The following TEAD2 variants were observed in gnomAD, a reference collection of about 807,000 sequenced individuals.
TEAD2 encodes the protein TEA domain transcription factor 2.
Under a neutral mutation model 61.4 loss-of-function variants are expected in TEAD2, and 51 were observed. That is an observed-to-expected ratio of 0.83 (90% CI 0.66 to 1.05). The LOEUF is 1.05. Among genes scored for constraint, TEAD2 ranks in the 50% least tolerant of loss-of-function variants. The pLI, the probability that TEAD2 is intolerant of heterozygous loss-of-function variation, is 0.00. For missense variants in TEAD2, 509 were observed against 600.0 expected (o/e 0.85, Z 1.58); for synonymous variants, 244 against 243.2 (o/e 1.00, Z -0.03).
chr19:49,359,960 G>T lies in TEAD2; in HGVS notation c.116C>A (p.Pro39Gln). ...GSEGAGGDGG[P>Q]DAEGVWSPDI... ...TGGGCTCCACACCCCCTCTGCATCC[G>T]GGCCCCCGTCACCCCCAGCCCCCTC... is the stretch of plus-strand genomic sequence containing the variant. Residue 39 changes from proline to glutamine, a missense_variant, in exon 2 of 13, where the codon CCG becomes CAG. By Grantham distance (76) the Pro-to-Gln change is moderately conservative. Transcript: ENST00000593945. The surrounding 1 kb of genome is among the most constrained non-coding windows in gnomAD (Gnocchi z 4.1). The T allele has an allele frequency of 1.2e-6, 2 of 1,610,788 alleles. No homozygotes were observed. Among genetic ancestry groups the T allele is most frequent in the Non-Finnish European group, 1.7e-6 (2 of 1,179,898 alleles).
intron 11 of TEAD2, 128 bp downstream of exon 11, chr19:49,343,103 C>T: frequency 1.8e-6 from 2 of 1,114,820 alleles, no homozygotes; most frequent in Non-Finnish European, 2.5e-6. Context: ...CCAACGCATG[C>T]ATTAAACCCT....
intron 8 of TEAD2, 67 bp from the exon 9 acceptor site, chr19:49,348,912 C>T (rs962849369): frequency 7.0e-7 from 1 of 1,427,978 alleles, no homozygotes; most frequent in African/African-American, 1.5e-5. Context: ...GTACTGTTGT[C>T]TCTTGCCTGC....
Position 49,341,530 on chromosome 19 carries a change from G to C in TEAD2, c.1243-93C>G. On this transcript the variant is annotated intron_variant, in intron 12 of 12. Transcript: ENST00000593945. This position sits in a 1 kb window ranked among gnomAD's most constrained non-coding sequence, Gnocchi z 4.2. ...CCAAGCTATCATGGAATACCCAGCA[G>C]GCTCTTTTCCATCTCCAGGAAACAG... 9.9e-7 allele frequency: 1 copy of C among 1,011,828 alleles called. No individual in the cohort carries two copies. The highest frequency in any genetic ancestry group is 1.5e-6 in the Non-Finnish European group (1 of 663,988). 62.7% of individuals were successfully genotyped at this position (1,011,828 alleles called of 1,614,324 possible).
intron 3 of TEAD2, 121 bp from the exon 4 acceptor site, chr19:49,357,435 G>T: frequency 9.7e-7 from 1 of 1,026,876 alleles, no homozygotes; most frequent in East Asian, 2.6e-5. Flanking sequence ...AAAACACACT[G>T]AAGATGAGAG....
chr19:49,343,498 G>A (rs1971433332), intron 10 of TEAD2, 100 bp from the exon 11 acceptor site: 1 of 1,378,738 alleles, frequency 7.3e-7, no homozygotes. Context: ...CCAGTACTTT[G>A]GGAGGCCGAG....
intron 4 of TEAD2, among the ~76,000 whole-genome samples, chr19:49,356,889 C>A (rs1243504947): frequency 1.3e-5 from 2 of 152,118 alleles, no homozygotes; most frequent in Non-Finnish European, 2.9e-5. Context: ...TGACTGCACC[C>A]CCCGCCCTGA....
At chr19:49,344,897 C>G (rs1283806061) in intron 10 of TEAD2, among the ~76,000 whole-genome samples, 1 of 152,202 alleles carries the variant, frequency 6.6e-6, no homozygotes, top group Non-Finnish European at 1.5e-5. Flanking sequence ...CTAAGGAAGC[C>G]TAAGAGCTCA....
chr19:49,353,506 T>TC (rs1177776610), intron 7 of TEAD2, among the ~76,000 whole-genome samples: 1 of 152,174 alleles, frequency 6.6e-6, no homozygotes, highest in African/African-American at 2.4e-5. Context: ...CTGTGGTTCT[T>TC]CACAGCACCT....
At chr19:49,349,302 A>C (rs1971851627) in intron 8 of TEAD2, among the ~76,000 whole-genome samples, 1 of 152,024 alleles carries the variant, frequency 6.6e-6, no homozygotes, top group Admixed American at 6.6e-5. Flanking sequence ...TCTCTACTAA[A>C]AATACAAAAT....
At position 49,355,948 on chromosome 19, in the gene TEAD2, G is replaced by C; in HGVS notation, c.372+11C>G. 7.9e-7 allele frequency: 1 copy of C among 1,265,960 alleles called. No individual in the cohort carries two copies. Among genetic ancestry groups the C allele is most frequent in the Non-Finnish European group, 9.9e-7 (1 of 1,005,822 alleles). The allele number at this position is 1,265,960 out of a possible 1,614,324, so 78.4% of individuals were successfully genotyped here. On this transcript the variant is annotated intron_variant, in intron 5 of 12. Coordinates refer to ENST00000593945, the MANE Select transcript of TEAD2 (RefSeq NM_001256660.2). ...GTGAGCGTGGGTGGGAGGATGGGCAGAGGAACTTACCACGTTCAGAGCCTG... is the reference window on the plus strand; with the variant it reads ...GTGAGCGTGGGTGGGAGGATGGGCACAGGAACTTACCACGTTCAGAGCCTG...
At chr19:49,355,893 C>A in intron 5 of TEAD2, 66 bp downstream of exon 5, 1 of 1,285,570 alleles carries the variant, frequency 7.8e-7, no homozygotes, top group Non-Finnish European at 9.9e-7. Context: ...AGCCCTCTGC[C>A]CCTCCTCAGG....
In TEAD2 at chr19:49,355,212, T is replaced by G. The variant is rs150107039; in HGVS notation, c.481-6A>C. 1 of 1,613,406 alleles carries G rather than the reference T, an allele frequency of 6.2e-7. No individual in the cohort carries two copies. Among genetic ancestry groups the G allele is most frequent in the Non-Finnish European group, 8.5e-7 (1 of 1,179,728 alleles). ...AACTGGAAAAGCTCAGAGGCCTGGA[T>G]AGGACACAAAGAAAAATGGTTGGTC... On this transcript the variant is annotated splice_region_variant and splice_polypyrimidine_tract_variant and intron_variant, in intron 6 of 12. Transcript: ENST00000593945.
At position 49,343,379 on chromosome 19, in the gene TEAD2, G is replaced by A. The variant is rs766852242; in HGVS notation, c.941C>T (p.Pro314Leu). ...ACCGGCCCCTGCCTCCTCACCACTT[G>A]GGCCCCAGTTCAGGTCCGCCTGGGA... Reference protein sequence around the residue: ...VKFWADLNWGPSGEEAGAGGS... With the variant: ...VKFWADLNWGLSGEEAGAGGS... Residue 314 changes from proline (P) to leucine (L), a missense_variant, in exon 11 of 13, where the codon CCA (proline) becomes CTA (leucine). By Grantham distance (98) the Pro-to-Leu change is moderately conservative (BLOSUM62 -3). Transcript: ENST00000593945. The A allele has an allele frequency of 3.1e-6, 5 of 1,610,440 alleles. No individual in the cohort carries two copies. The South Asian group carries it at 4.4e-5, about 14-fold the overall frequency.
chr19:49,357,229 A>G, intron 4 of TEAD2, 23 bp downstream of exon 4: 2 of 1,403,634 alleles, frequency 1.4e-6, no homozygotes, highest in Non-Finnish European at 1.9e-6. Flanking sequence ...TCCCCCTCTC[A>G]GGATGTCTGC....
intron 3 of TEAD2, 138 bp from the exon 4 acceptor site, chr19:49,357,452 C>T (rs1972482328): frequency 1.0e-5 from 9 of 880,446 alleles, no homozygotes; most frequent in South Asian, 7.4e-5. Context: ...AGAGCCATCT[C>T]GGGAGCACCC....
chr19:49,347,304 C>T lies in TEAD2; in HGVS notation c.807G>A (p.Pro269=), dbSNP rs772260090. 9.9e-6 allele frequency: 16 copies of T among 1,613,520 alleles called. No homozygotes were observed. In the East Asian group the frequency reaches 1.1e-4, roughly 11 times the overall value. Residue 269 remains proline, a synonymous_variant, in exon 10 of 13, where the codon CCG becomes CCA. Transcript: ENST00000593945. The part of the protein sequence containing the change: ...SQHCPSPGAP[P]LESVDVRQIY... ...TCTGCCGGACGTCCACACTCTCGAGCGGCGGCGCTCCGGGGCTGGGGCAGT... is the reference window on the plus strand; with the variant it reads ...TCTGCCGGACGTCCACACTCTCGAGTGGCGGCGCTCCGGGGCTGGGGCAGT...
chr19:49,346,919 T>C (rs1232517258), intron 10 of TEAD2, among the ~76,000 whole-genome samples: 1 of 152,142 alleles, frequency 6.6e-6, no homozygotes, highest in Non-Finnish European at 1.5e-5. Context: ...AGGACCCTAT[T>C]AGCTACATGG....
At chr19:49,360,763 A>G in intron 1 of TEAD2, among the ~76,000 whole-genome samples, 1 of 92,648 alleles carries the variant, frequency 1.1e-5, no homozygotes, top group Non-Finnish European at 2.1e-5. Flanking sequence ...GGAGGGGGAC[A>G]GAGACCCAGA....
chr19:49,348,952 C>T, intron 8 of TEAD2, 107 bp from the exon 9 acceptor site: 2 of 1,380,424 alleles, frequency 1.4e-6, no homozygotes, highest in Non-Finnish European at 1.9e-6. Context: ...AAGCTAAATA[C>T]TCACTTTCCC....
Sources: allele counts gnomAD v4.1 joint callset (sites outside exome capture counted in the v4.1 genomes callset), GRCh38; gene constraint gnomAD v4.1.1; non-coding constraint Gnocchi (gnomAD v3.1); transcripts MANE v1.5; gene names NCBI Gene and HGNC (gene_info 2026-07-23, HGNC 2026-07-21).